The following SNTG1 variants were observed in gnomAD, a reference collection of about 807,000 sequenced individuals.
SNTG1 encodes the protein syntrophin gamma 1.
SNTG1 carries 39 observed loss-of-function variants against 74.7 expected under a neutral mutation model. The ratio of observed to expected loss-of-function variants is 0.52; its 90% confidence interval spans 0.40 to 0.68. The LOEUF is 0.68. Among genes scored for constraint, SNTG1 ranks in the 30% least tolerant of loss-of-function variants. SNTG1 has a pLI of 0.00. For missense variants in SNTG1, 685 were observed against 609.5 expected (o/e 1.12, Z -1.30); for synonymous variants, 254 against 217.1 (o/e 1.17, Z -1.49).
chr8:50,707,874 T>G (rs961778528), intron 16 of SNTG1: 6 of 391,064 alleles, frequency 1.5e-5, no homozygotes, highest in African/African-American at 1.0e-4. Flanking sequence ...TTGATTTATA[T>G]CCTGTTTTCT....
At chr8:50,042,728 CTT>C (rs1404618290) in intron 1 of SNTG1, among the ~76,000 whole-genome samples, 15 of 143,022 alleles carry the variant, frequency 1.0e-4, no homozygotes, top group Admixed American at 2.1e-4. Context: ...GGCTAATTGA[CTT>C]TTTTTTTTTT....
chr8:50,730,365 C>T (rs2095510097), intron 17 of SNTG1, among the ~76,000 whole-genome samples: 1 of 152,080 alleles, frequency 6.6e-6, no homozygotes, highest in Non-Finnish European at 1.5e-5. Flanking sequence ...TTAGTGAAAG[C>T]ACATATCTCT....
At chr8:49,944,391 T>G (rs1456627671) in intron 1 of SNTG1, among the ~76,000 whole-genome samples, 2 of 151,884 alleles carry the variant, frequency 1.3e-5, no homozygotes, top group Non-Finnish European at 2.9e-5. Context: ...AAAAAAGATA[T>G]TTGCATAATT....
intron 1 of SNTG1, among the ~76,000 whole-genome samples, chr8:50,103,703 T>C (rs2080244730): frequency 6.6e-6 from 1 of 152,182 alleles, no homozygotes; most frequent in Non-Finnish European, 1.5e-5. Context: ...GGGTTTGTCA[T>C]AGATAGCTCT....
At chr8:50,032,844 C>A (rs1011420510) in intron 1 of SNTG1, among the ~76,000 whole-genome samples, 2 of 152,056 alleles carry the variant, frequency 1.3e-5, no homozygotes, top group Non-Finnish European at 2.9e-5. Context: ...ATCAAATTAG[C>A]CAATTAGCTA....
At chr8:50,213,683 T>C (rs963833735) in intron 2 of SNTG1, among the ~76,000 whole-genome samples, 1 of 152,052 alleles carries the variant, frequency 6.6e-6, no homozygotes, top group Non-Finnish European at 1.5e-5. Flanking sequence ...TGGCCAGTGA[T>C]GGTGAGCATT....
intron 2 of SNTG1, among the ~76,000 whole-genome samples, chr8:50,379,587 C>T (rs1016822477): frequency 6.6e-6 from 1 of 152,234 alleles, no homozygotes; most frequent in African/African-American, 2.4e-5. Context: ...ATGGAGCATG[C>T]AGCCATGGCT....
chr8:50,228,700 G>A (rs999210480), intron 2 of SNTG1, among the ~76,000 whole-genome samples: 2 of 151,792 alleles, frequency 1.3e-5, no homozygotes, highest in Non-Finnish European at 3.0e-5. Flanking sequence ...CTTTGAACAT[G>A]TAGAATAAAT....
At chr8:50,595,781 C>T (rs765185652) in intron 13 of SNTG1, among the ~76,000 whole-genome samples, 12 of 151,860 alleles carry the variant, frequency 7.9e-5, no homozygotes, top group Non-Finnish European at 4.4e-5. Flanking sequence ...TAATATTGCT[C>T]ATTTAGCAGC....
intron 15 of SNTG1, among the ~76,000 whole-genome samples, chr8:50,663,282 T>C (rs889406169): frequency 6.6e-6 from 1 of 152,116 alleles, no homozygotes; most frequent in Non-Finnish European, 1.5e-5. Context: ...AAGGCCTTAA[T>C]AAAGCACATG....
intron 1 of SNTG1, among the ~76,000 whole-genome samples, chr8:50,146,949 C>A (rs554385219): frequency 1.6e-4 from 24 of 151,904 alleles, no homozygotes; most frequent in African/African-American, 5.5e-4. Flanking sequence ...CAAATATTTT[C>A]TCTCACTATA....
chr8:50,265,018 G>T (rs187163582), intron 2 of SNTG1, among the ~76,000 whole-genome samples: 10 of 152,078 alleles, frequency 6.6e-5, no homozygotes, highest in Admixed American at 5.9e-4. Context: ...AAAAGCTCAG[G>T]TCAAATAATG....
At chr8:50,774,483 T>G (rs1277426847) in intron 18 of SNTG1, among the ~76,000 whole-genome samples, 2 of 151,824 alleles carry the variant, frequency 1.3e-5, no homozygotes, top group African/African-American at 2.4e-5. Context: ...GGCTGTCATA[T>G]AAGAGGTTCT....
intron 1 of SNTG1, among the ~76,000 whole-genome samples, chr8:50,074,498 A>C (rs1045318186): frequency 1.3e-5 from 2 of 152,152 alleles, no homozygotes; most frequent in African/African-American, 4.8e-5. Context: ...AGAGTGAGAG[A>C]GATAGAGAAA....
In SNTG1 at chr8:50,211,752, A is replaced by G. The variant is rs376607264; in HGVS notation, c.-28+39117A>G. Among the ~76,000 whole-genome samples, 10 of 152,168 alleles carry G rather than the reference A, an allele frequency of 6.6e-5. No individual in the cohort carries two copies. In the East Asian group the frequency reaches 7.7e-4, roughly 12 times the overall value. Reference sequence around the variant, plus strand: ...TATTTTCATAAGAAACATTGCAATTACAAATACAAAATCATTTTGCTTCAG... The same window carrying G: ...TATTTTCATAAGAAACATTGCAATTGCAAATACAAAATCATTTTGCTTCAG... On this transcript the variant is annotated intron_variant, in intron 2 of 18. Transcript: ENST00000642720.
At chr8:50,787,810 CA>C (rs1411280476) in intron 18 of SNTG1, among the ~76,000 whole-genome samples, 2 of 151,606 alleles carry the variant, frequency 1.3e-5, no homozygotes, top group African/African-American at 4.8e-5. Flanking sequence ...CATAGAAAGA[CA>C]AAAAAATAAT....
chr8:49,923,255 T>A lies in SNTG1; in HGVS notation c.-103+11024T>A, dbSNP rs113831904. Among the ~76,000 whole-genome samples, 851 of 152,278 alleles carry A rather than the reference T, an allele frequency of 5.6e-3. 8 individuals are homozygous for A. Among genetic ancestry groups the A allele is most frequent in the African/African-American group, 0.019 (805 of 41,548 alleles). On this transcript the variant is annotated intron_variant, in intron 1 of 18. Coordinates refer to ENST00000642720, the MANE Select transcript of SNTG1 (RefSeq NM_018967.5). ...CAATTCTACTATGTATAATTCAATG[T>A]TGGGATTTTGTTAAAAAATAAAATT...
chr8:50,018,489 C>A, intron 1 of SNTG1, among the ~76,000 whole-genome samples: 1 of 152,016 alleles, frequency 6.6e-6, no homozygotes, highest in South Asian at 2.1e-4. Context: ...AAAATCCACA[C>A]AAAATGGACT....
rs1244287613 is a variant in SNTG1 at position 50,003,723 on chromosome 8, T to C, written c.-103+91492T>C. ...GTTCTCTCAAGAGGATCTGCTCTCG[T>C]ATATATTAAAATAATGTGTTAATGC... is the stretch of plus-strand genomic sequence containing the variant. On this transcript the variant is annotated intron_variant, in intron 1 of 18. Coordinates refer to ENST00000642720, the MANE Select transcript of SNTG1 (RefSeq NM_018967.5). Among the ~76,000 whole-genome samples the C allele has an allele frequency of 3.3e-5, 5 of 152,178 alleles. No homozygotes were observed. In the East Asian group the frequency reaches 9.6e-4, roughly 29 times the overall value.
Sources: allele counts gnomAD v4.1 joint callset (sites outside exome capture counted in the v4.1 genomes callset), GRCh38; gene constraint gnomAD v4.1.1; transcripts MANE v1.5; gene names NCBI Gene and HGNC (gene_info 2026-07-23, HGNC 2026-07-21).